The following PREX1 variants were observed in gnomAD, a reference collection of about 807,000 sequenced individuals.
PREX1 encodes the protein phosphatidylinositol 3,4,5-trisphosphate-dependent Rac exchanger 1 protein.
In PREX1, 41 loss-of-function variants were observed where a neutral mutation model predicts 198.3. The observed-to-expected ratio is 0.21, with a 90% confidence interval of 0.16 to 0.27. The LOEUF (loss-of-function observed/expected upper bound fraction) is 0.27, where lower values mean the gene tolerates loss of function less well. Among genes scored for constraint, PREX1 ranks in the 10% least tolerant of loss-of-function variants. The pLI is 1.00. For missense variants in PREX1, 1,620 were observed against 2,200.7 expected (o/e 0.74, Z 5.28); for synonymous variants, 843 against 887.2 (o/e 0.95, Z 0.89).
chr20:48,772,351 C>T (rs1316810300), intron 1 of PREX1, among the ~76,000 whole-genome samples: 2 of 152,206 alleles, frequency 1.3e-5, no homozygotes, highest in African/African-American at 4.8e-5. Flanking sequence ...CCCAAGAAGG[C>T]GCAGGTGCGC....
the PREX1 span, among the ~76,000 whole-genome samples, chr20:48,877,258 C>T: frequency 7.5e-5 from 11 of 146,870 alleles, no homozygotes; most frequent in African/African-American, 1.3e-4. Flanking sequence ...TCAACAAGAG[C>T]GAAACTCCAT....
chr20:48,723,883 G>A (rs1378285735), intron 5 of PREX1, among the ~76,000 whole-genome samples: 1 of 152,178 alleles, frequency 6.6e-6, no homozygotes, highest in Non-Finnish European at 1.5e-5. Context: ...GTTAAAATAT[G>A]TCACGGAAGC....
chr20:48,708,079 C>T (rs1303135333), intron 6 of PREX1, among the ~76,000 whole-genome samples, 181 bp downstream of exon 6: 1 of 152,188 alleles, frequency 6.6e-6, no homozygotes, highest in Non-Finnish European at 1.5e-5. Context: ...TTAAGAGAAA[C>T]TTGAAATGCA....
intron 3 of PREX1, among the ~76,000 whole-genome samples, chr20:48,743,891 A>G (rs1304720819): frequency 3.9e-5 from 6 of 152,166 alleles, no homozygotes; most frequent in Admixed American, 3.9e-4. Context: ...CTGATCGCAC[A>G]TGAGACTTGC....
chr20:48,883,224 G>A, the PREX1 span, among the ~76,000 whole-genome samples: 4 of 152,034 alleles, frequency 2.6e-5, no homozygotes, highest in South Asian at 4.1e-4. Flanking sequence ...ATGAGACACC[G>A]TGCCTGGCCC....
chr20:48,631,716 AG>A (rs956514031), intron 35 of PREX1, among the ~76,000 whole-genome samples: 47 of 152,202 alleles, frequency 3.1e-4, no homozygotes, highest in African/African-American at 1.1e-3. Flanking sequence ...TCACAGAGGG[AG>A]GTGGTGAGAC....
In PREX1 at chr20:48,816,282, G is replaced by C. The variant is rs571928631; in HGVS notation, c.219+11360C>G. Among the ~76,000 whole-genome samples the C allele has an allele frequency of 1.4e-3, 212 of 152,312 alleles. 1 individual carries two copies. The highest frequency in any genetic ancestry group is 4.3e-3 in the African/African-American group (177 of 41,570). On this transcript the variant is annotated intron_variant, in intron 1 of 39. Transcript: ENST00000371941. ...GGGCTCTGGAGTAGAATAATCCTGA[G>C]TTCAAACCCACCACTGACCATTGTT...
intron 1 of PREX1, among the ~76,000 whole-genome samples, chr20:48,820,460 C>A (rs1167990656): frequency 1.3e-5 from 2 of 152,210 alleles, no homozygotes; most frequent in Non-Finnish European, 2.9e-5. Flanking sequence ...AAACCATGAA[C>A]CGCAAGAGAG....
At chr20:48,782,314 T>A (rs980004824) in intron 1 of PREX1, among the ~76,000 whole-genome samples, 8 of 152,134 alleles carry the variant, frequency 5.3e-5, no homozygotes, top group Admixed American at 1.3e-4. Context: ...GAATAAGTCT[T>A]ACAAGATCTG....
chr20:48,670,004 C>T (rs778354766), intron 14 of PREX1, among the ~76,000 whole-genome samples: 19 of 152,160 alleles, frequency 1.2e-4, no homozygotes, highest in Non-Finnish European at 2.2e-4. Context: ...GGATTTCACT[C>T]AGACTGTATG....
chr20:48,648,955 A>C (rs1379402000), intron 25 of PREX1, among the ~76,000 whole-genome samples: 1 of 152,188 alleles, frequency 6.6e-6, no homozygotes, highest in African/African-American at 2.4e-5. Context: ...TATGATGTTA[A>C]AATTATAAAG....
intron 11 of PREX1, among the ~76,000 whole-genome samples, chr20:48,680,239 T>C (rs2089740707): frequency 6.6e-6 from 1 of 152,088 alleles, no homozygotes; most frequent in African/African-American, 2.4e-5. Flanking sequence ...GGCCCTAACC[T>C]TCAAGATACC....
At chr20:48,730,247 C>T (rs1295544637) in intron 4 of PREX1, among the ~76,000 whole-genome samples, 3 of 152,146 alleles carry the variant, frequency 2.0e-5, no homozygotes, top group African/African-American at 7.2e-5. Context: ...AAAGGGGGGC[C>T]TTTCACCATG....
the PREX1 span, among the ~76,000 whole-genome samples, chr20:48,872,307 C>T: frequency 3.3e-5 from 5 of 151,958 alleles, no homozygotes; most frequent in South Asian, 4.2e-4. Flanking sequence ...GAGTTGGATA[C>T]GTATAAGTTG....
At chr20:48,696,678 T>C (rs1419328211) in intron 7 of PREX1, among the ~76,000 whole-genome samples, 2 of 151,914 alleles carry the variant, frequency 1.3e-5, no homozygotes, top group Non-Finnish European at 2.9e-5. Context: ...AACCCCCTCC[T>C]AGAGTATTTA....
intron 1 of PREX1, among the ~76,000 whole-genome samples, chr20:48,818,452 G>A (rs1029756122): frequency 2.0e-5 from 3 of 152,264 alleles, no homozygotes; most frequent in Non-Finnish European, 4.4e-5. Context: ...TTTATGCTAA[G>A]TGAGATGTAA....
intron 1 of PREX1, among the ~76,000 whole-genome samples, chr20:48,785,956 T>C (rs375466802): frequency 1.3e-5 from 2 of 152,136 alleles, no homozygotes; most frequent in African/African-American, 4.8e-5. Context: ...AGAGCCGGGA[T>C]GGATGGGCCG....
chr20:48,733,163 G>T (rs2090042236), intron 4 of PREX1, among the ~76,000 whole-genome samples: 2 of 152,220 alleles, frequency 1.3e-5, no homozygotes, highest in South Asian at 4.1e-4. Context: ...CATAAGTGAG[G>T]CTCTCTACAA....
At position 48,676,553 on chromosome 20, in the gene PREX1, T is replaced by G. The variant is rs560309457; in HGVS notation, c.1590-285A>C. Among the ~76,000 whole-genome samples, 316 of 152,252 alleles carry G rather than the reference T, an allele frequency of 2.1e-3. 2 individuals are homozygous for G. Among genetic ancestry groups the G allele is most frequent in the African/African-American group, 7.3e-3 (304 of 41,544 alleles). On this transcript the variant is annotated intron_variant, in intron 13 of 39. Transcript: ENST00000371941. ...TGTCTCTAGCCCAGGAGATCTCAGC[T>G]GGGGGTGATTTTGCCCTCAGGGTAT...
Sources: allele counts gnomAD v4.1 joint callset (sites outside exome capture counted in the v4.1 genomes callset), GRCh38; gene constraint gnomAD v4.1.1; transcripts MANE v1.5; gene names NCBI Gene and HGNC (gene_info 2026-07-23, HGNC 2026-07-21).